Variants in ZNF180 observed in about 807,000 individuals in gnomAD.
ZNF180 encodes zinc finger protein 180 (HHZ168).
A neutral mutation model predicts 11.8 loss-of-function variants in ZNF180; 11 were observed. That is an observed-to-expected ratio of 0.93 (90% confidence interval 0.59 to 1.55). The LOEUF (loss-of-function observed/expected upper bound fraction) is 1.55, where lower values mean the gene tolerates loss of function less well. Among genes scored for constraint, ZNF180 ranks in the 40% most tolerant of loss-of-function variants. The pLI, the probability that ZNF180 is intolerant of heterozygous loss-of-function variation, is 0.00. For missense variants in ZNF180, 773 were observed against 781.7 expected, an observed-to-expected ratio of 0.99 and a Z score of 0.13; for synonymous variants, 287 against 257.7, an observed-to-expected ratio of 1.11 and a Z score of -1.09.
intron 3 of ZNF180, among the ~76,000 whole-genome samples, chr19:44,482,117 G>A (rs1027466915): frequency 3.3e-5 from 5 of 152,106 alleles, no homozygotes; most frequent in Admixed American, 3.3e-4. Flanking sequence ...ACCAGCCTGG[G>A]CAACATGGTG....
chr19:44,483,115 T>C (rs907352806), intron 3 of ZNF180, among the ~76,000 whole-genome samples: 1 of 152,258 alleles, frequency 6.6e-6, no homozygotes, highest in Non-Finnish European at 1.5e-5. Context: ...GCTCAGTTTT[T>C]TCCCTTTACT....
chr19:44,490,650 A>T (rs1313727602), intron 2 of ZNF180, among the ~76,000 whole-genome samples: 2 of 147,090 alleles, frequency 1.4e-5, no homozygotes, highest in Non-Finnish European at 3.0e-5. Context: ...TCTGTTAATT[A>T]AAAAAAAAAA....
In ZNF180 at chr19:44,484,528, T is replaced by C; in HGVS notation, c.52-93A>G. The C allele has an allele frequency of 4.7e-6, 4 of 851,894 alleles. 1 individual carries two copies. The South Asian group carries it at 5.6e-5, about 12-fold the overall frequency. 52.8% of individuals were successfully genotyped at this position (851,894 alleles called of 1,614,324 possible). A position where few individuals can be genotyped will look rare whatever the true frequency, so the allele number is the denominator to read the frequency against. On this transcript the variant is annotated intron_variant, in intron 2 of 4. Coordinates refer to ENST00000592529, the MANE Select transcript of ZNF180 (RefSeq NM_001278509.3). ...CCGGTCAGTGGGCTAAGATTTGACA[T>C]ACCACCTATTTTAACGCATCCCTCC...
intron 2 of ZNF180, among the ~76,000 whole-genome samples, chr19:44,493,629 T>G (rs563244060): frequency 6.6e-6 from 1 of 152,330 alleles, no homozygotes; most frequent in South Asian, 2.1e-4. Context: ...TGACCAATGG[T>G]ACCAAGGTGG....
In ZNF180 at chr19:44,476,543, AG is replaced by A. The variant is rs1218244435; in HGVS notation, c.1856del (p.Ala619ValfsTer50). On this transcript the variant is annotated frameshift_variant, in exon 5 of 5. Coordinates refer to ENST00000592529, the MANE Select transcript of ZNF180 (RefSeq NM_001278509.3). LOFTEE classifies it low-confidence loss of function (END_TRUNC). ...NQCGKTFSLS[A>X]RLIVHQRTHT... ...GAGTTCTTTGATGCACAATAAGTCG[AG>A]CACTCAAGCTAAATGTTTTTCCACA... The A allele has an allele frequency of 1.2e-6, 2 of 1,613,996 alleles. No individual in the cohort carries two copies. The highest frequency in any genetic ancestry group is 4.5e-5 in the East Asian group (2 of 44,884).
intron 3 of ZNF180, among the ~76,000 whole-genome samples, chr19:44,482,840 G>A (rs1970118049): frequency 6.6e-6 from 1 of 152,186 alleles, no homozygotes. Flanking sequence ...TTCTTATGAA[G>A]ACCAAGGGAG....
At chr19:44,481,967 A>C (rs1352671151) in intron 3 of ZNF180, among the ~76,000 whole-genome samples, 1 of 151,470 alleles carries the variant, frequency 6.6e-6, no homozygotes, top group African/African-American at 2.4e-5. Flanking sequence ...ATGCCTGAAA[A>C]CTCCTTCCCA....
At chr19:44,490,174 G>GAAT in intron 2 of ZNF180, among the ~76,000 whole-genome samples, 1 of 22,502 alleles carries the variant, frequency 4.4e-5, no homozygotes, top group African/African-American at 9.1e-5. Flanking sequence ...AAGGGAGGGA[G>GAAT]GGAGGGAGGG....
At chr19:44,489,988 AAAAAGCAAGAAAG>A (rs1178011520) in intron 2 of ZNF180, among the ~76,000 whole-genome samples, 4 of 116,384 alleles carry the variant, frequency 3.4e-5, no homozygotes, top group African/African-American at 1.3e-4. Flanking sequence ...AGAAAGAAAG[AAAAAGCAAGAAAG>A]AAAGAAAAGA....
intron 1 of ZNF180, among the ~76,000 whole-genome samples, chr19:44,498,690 C>T (rs572564055): frequency 6.6e-6 from 1 of 152,264 alleles, no homozygotes; most frequent in East Asian, 1.9e-4. Context: ...CACAGTCCCG[C>T]CCCTCTGCAG....
At chr19:44,482,196 A>T (rs1481339140) in intron 3 of ZNF180, among the ~76,000 whole-genome samples, 1 of 152,094 alleles carries the variant, frequency 6.6e-6, no homozygotes, top group East Asian at 1.9e-4. Context: ...AGTCCCAGCT[A>T]CTCAGGAGGC....
At chr19:44,489,076 GC>G (rs1172998267) in intron 2 of ZNF180, among the ~76,000 whole-genome samples, 1 of 130,630 alleles carries the variant, frequency 7.7e-6, no homozygotes, top group African/African-American at 2.7e-5. Flanking sequence ...CCCCCGCCCG[GC>G]CAGCCGCCCC....
chr19:44,483,818 T>A (rs1323679187), intron 3 of ZNF180, among the ~76,000 whole-genome samples: 1 of 152,194 alleles, frequency 6.6e-6, no homozygotes, highest in Non-Finnish European at 1.5e-5. Flanking sequence ...CTTTTTTTCC[T>A]CTACTAACTC....
chr19:44,493,542 G>A (rs926201833), intron 2 of ZNF180, among the ~76,000 whole-genome samples: 1 of 152,206 alleles, frequency 6.6e-6, no homozygotes, highest in South Asian at 2.1e-4. Flanking sequence ...ATTCAGAGTT[G>A]AGAAGTGTGG....
chr19:44,477,474 T>C lies in ZNF180; in HGVS notation c.926A>G (p.His309Arg), dbSNP rs1364802453. 10 of 1,613,988 alleles carry C rather than the reference T, an allele frequency of 6.2e-6. No homozygotes were observed. The South Asian group carries it at 7.7e-5, about 12-fold the overall frequency. ...CATGTTTTGAGTAAGGGAGGAACTA[T>C]GAGAGGTTTCACTACATTTATATTG... is the stretch of plus-strand genomic sequence containing the variant. Reference protein sequence around the residue: ...ESQYKCSETSHSSSLTQNMRN... With the variant: ...ESQYKCSETSRSSSLTQNMRN... Residue 309 changes from histidine (H) to arginine (R), a missense_variant, in exon 5 of 5, where the codon CAT becomes CGT. Transcript: ENST00000592529.
chr19:44,477,531 T>C lies in ZNF180; in HGVS notation c.869A>G (p.Asn290Ser). 1 of 1,614,156 alleles carries C rather than the reference T, an allele frequency of 6.2e-7. No homozygotes were observed. The highest frequency in any genetic ancestry group is 8.5e-7 in the Non-Finnish European group (1 of 1,180,010). The change falls in exon 5 of 5, where the codon AAT (asparagine) becomes AGT (serine). Residue 290 changes from asparagine to serine, a missense_variant. Coordinates refer to ENST00000592529, the MANE Select transcript of ZNF180 (RefSeq NM_001278509.3). ...GQVLNPKISHNEQQRIPFEES... is the reference protein window; with the variant it reads ...GQVLNPKISHSEQQRIPFEES... ...TTCAAAAGGAATTCTCTGTTGTTCA[T>C]TATGGGATATTTTGGGGTTCAAAAC...
chr19:44,482,402 C>T (rs996245525), intron 3 of ZNF180, among the ~76,000 whole-genome samples: 1 of 152,200 alleles, frequency 6.6e-6, no homozygotes, highest in African/African-American at 2.4e-5. Flanking sequence ...ATACTTCCTG[C>T]TGATGACTTC....
At chr19:44,487,918 G>A (rs1474519196) in intron 2 of ZNF180, among the ~76,000 whole-genome samples, 2 of 152,038 alleles carry the variant, frequency 1.3e-5, no homozygotes, top group East Asian at 3.9e-4. Context: ...GTAGAGATGG[G>A]GTTTCACCAT....
chr19:44,481,015 T>G (rs915592691), intron 3 of ZNF180, among the ~76,000 whole-genome samples: 19 of 152,146 alleles, frequency 1.2e-4, no homozygotes, highest in African/African-American at 4.6e-4. Flanking sequence ...GGCAGAGCCT[T>G]TTAGGAGACG....
Sources: gnomAD v4.1 joint callset for allele counts (sites outside exome capture counted in the v4.1 genomes callset) on GRCh38, gnomAD v4.1.1 for gene constraint, MANE v1.5 for transcripts, NCBI Gene and HGNC (gene_info 2026-07-23, HGNC 2026-07-21) for gene names.